The following ELMO1 variants were observed in gnomAD, a reference collection of about 807,000 sequenced individuals.
ELMO1 encodes the protein engulfment and cell motility protein 1.
Under a neutral mutation model 98.9 loss-of-function variants are expected in ELMO1, and 26 were observed. The ratio of observed to expected loss-of-function variants is 0.26; its 90% CI spans 0.19 to 0.36. The LOEUF (loss-of-function observed/expected upper bound fraction) is 0.36. ELMO1 is among the 10% of genes least tolerant of loss of function. ELMO1 has a pLI of 1.00. For missense variants in ELMO1, 627 were observed against 935.2 expected (o/e 0.67, Z 4.30); for synonymous variants, 346 against 346.0 (o/e 1.00, Z 0.00).
intron 13 of ELMO1, among the ~76,000 whole-genome samples, chr7:37,191,316 A>T (rs1791562364): frequency 6.6e-6 from 1 of 152,110 alleles, no homozygotes; most frequent in Non-Finnish European, 1.5e-5. Flanking sequence ...CTGATTACCT[A>T]CATTTCTGAA....
intron 15 of ELMO1, among the ~76,000 whole-genome samples, chr7:37,050,959 G>T (rs547068215): frequency 1.1e-4 from 16 of 152,116 alleles, no homozygotes; most frequent in Non-Finnish European, 2.2e-4. Flanking sequence ...AATATGGAAG[G>T]CATCATGGTT....
intron 1 of ELMO1, among the ~76,000 whole-genome samples, chr7:37,432,456 C>T (rs1036222254): frequency 3.9e-5 from 6 of 152,138 alleles, no homozygotes; most frequent in Admixed American, 1.3e-4. Flanking sequence ...TGGGGTTTTA[C>T]CATGTGTGTG....
At chr7:37,426,195 C>T (rs1322795395) in intron 1 of ELMO1, among the ~76,000 whole-genome samples, 3 of 140,358 alleles carry the variant, frequency 2.1e-5, no homozygotes, top group African/African-American at 7.9e-5. Flanking sequence ...ATTCTGTCAC[C>T]CAGGCTGGAG....
intron 14 of ELMO1, among the ~76,000 whole-genome samples, chr7:37,115,381 A>C (rs1233048490): frequency 6.6e-6 from 1 of 152,222 alleles, no homozygotes; most frequent in African/African-American, 2.4e-5. Context: ...AACAATCTAT[A>C]AATAGAATTA....
chr7:36,866,598 G>C (rs1803048916), intron 20 of ELMO1, among the ~76,000 whole-genome samples: 1 of 152,224 alleles, frequency 6.6e-6, no homozygotes, highest in Non-Finnish European at 1.5e-5. Flanking sequence ...AGGATGATCA[G>C]TTATCAACAC....
At chr7:37,172,982 C>T (rs978543864) in intron 13 of ELMO1, among the ~76,000 whole-genome samples, 2 of 152,188 alleles carry the variant, frequency 1.3e-5, no homozygotes, top group East Asian at 1.9e-4. Context: ...GAACTCGGAT[C>T]CTGAAACAAT....
intron 15 of ELMO1, among the ~76,000 whole-genome samples, chr7:37,070,144 T>A (rs963825629): frequency 2.6e-5 from 4 of 152,034 alleles, no homozygotes; most frequent in African/African-American, 9.7e-5. Context: ...CTCTAGGGGG[T>A]AAGGAGATAG....
In ELMO1 at chr7:37,145,295, T is replaced by G. The variant is rs531025792; in HGVS notation, c.1087-12061A>C. ...GAGATCTAGAATCCAGATCTACCAT[T>G]CCTCAAATCCCCATGCAGCTTCTAT... On this transcript the variant is annotated intron_variant, in intron 13 of 21. Coordinates refer to ENST00000310758, the MANE Select transcript of ELMO1 (RefSeq NM_014800.11). Among the ~76,000 whole-genome samples, 3 of 152,360 alleles carry G rather than the reference T, an allele frequency of 2.0e-5. No homozygotes were observed. In the South Asian group the frequency reaches 6.2e-4, roughly 32 times the overall value.
chr7:37,266,742 G>T (rs1796260910), intron 5 of ELMO1, among the ~76,000 whole-genome samples: 1 of 152,104 alleles, frequency 6.6e-6, no homozygotes, highest in African/African-American at 2.4e-5. Context: ...GCCAGGCATG[G>T]TGGCTCACAC....
chr7:37,217,018 C>T (rs560880945), intron 10 of ELMO1, among the ~76,000 whole-genome samples: 1 of 152,254 alleles, frequency 6.6e-6, no homozygotes, highest in South Asian at 2.1e-4. Context: ...ATTAGAAAGC[C>T]TCATCATCTT....
intron 15 of ELMO1, among the ~76,000 whole-genome samples, chr7:37,027,131 A>T (rs1311229049): frequency 2.6e-5 from 4 of 152,128 alleles, no homozygotes; most frequent in Admixed American, 2.6e-4. Context: ...TCATCCTTCA[A>T]AATGACCCAT....
intron 1 of ELMO1, among the ~76,000 whole-genome samples, chr7:37,400,261 G>A (rs1400080927): frequency 6.6e-6 from 1 of 152,104 alleles, no homozygotes; most frequent in Admixed American, 6.5e-5. Context: ...GCACCAACAA[G>A]CCTGGAAAGC....
At chr7:37,375,700 G>C (rs1395244535) in intron 1 of ELMO1, 3 of 1,267,526 alleles carry the variant, frequency 2.4e-6, no homozygotes, top group Non-Finnish European at 3.5e-6. Context: ...CTGTGTGAAG[G>C]AACAGTTTGC....
intron 1 of ELMO1, among the ~76,000 whole-genome samples, chr7:37,371,192 T>C (rs527375050): frequency 6.6e-6 from 1 of 151,878 alleles, no homozygotes; most frequent in East Asian, 1.9e-4. Flanking sequence ...TTTATAAAGT[T>C]GCAAAAAAAA....
intron 1 of ELMO1, among the ~76,000 whole-genome samples, chr7:37,374,335 C>T (rs1802239058): frequency 6.6e-6 from 1 of 152,152 alleles, no homozygotes; most frequent in South Asian, 2.1e-4. Context: ...ATCCAGCTCT[C>T]ATTTCTCCAT....
intron 1 of ELMO1, among the ~76,000 whole-genome samples, chr7:37,408,526 T>C (rs529961989): frequency 6.6e-6 from 1 of 152,206 alleles, no homozygotes; most frequent in Admixed American, 6.5e-5. Flanking sequence ...CATTAATAGA[T>C]GAAGGGATAA....
At chr7:36,899,682 A>ATTTTTTTTTTTTTTTTTTTTTTTTTTT (rs1178774148) in intron 16 of ELMO1, among the ~76,000 whole-genome samples, 1 of 5,392 alleles carries the variant, frequency 1.9e-4, no homozygotes, top group Non-Finnish European at 4.1e-4. Flanking sequence ...ATCTTTACTC[A>ATTTTTTTTTTTTTTTTTTTTTTTTTTT]TCTTTTTTTT....
upstream of ELMO1, chr7:37,449,110 G>T (rs1205006401): frequency 2.0e-5 from 3 of 152,370 alleles, no homozygotes; most frequent in East Asian, 1.9e-4. Flanking sequence ...TGCCTAGGGG[G>T]ATGCCCACGA....
At chr7:36,856,547 C>G (rs973187855) in intron 21 of ELMO1, among the ~76,000 whole-genome samples, 1 of 152,214 alleles carries the variant, frequency 6.6e-6, no homozygotes, top group African/African-American at 2.4e-5. Context: ...GATTCTTCTC[C>G]TTTCATAGCC....
Sources: gnomAD v4.1 joint callset for allele counts (sites outside exome capture counted in the v4.1 genomes callset) on GRCh38, gnomAD v4.1.1 for gene constraint, MANE v1.5 for transcripts, NCBI Gene and HGNC (gene_info 2026-07-23, HGNC 2026-07-21) for gene names.